The following KIFAP3 variants were observed in gnomAD, a reference collection of about 807,000 sequenced individuals.
KIFAP3 encodes the protein kinesin-associated protein 3.
A neutral mutation model predicts 106.5 loss-of-function variants in KIFAP3; 68 were observed. The observed-to-expected ratio is 0.64, with a 90% CI of 0.53 to 0.78. The LOEUF is 0.78. Ranked by LOEUF, KIFAP3 falls within the 30% of genes least tolerant of loss-of-function variation. KIFAP3 has a pLI of 0.00. For missense variants in KIFAP3, 780 were observed against 941.8 expected (o/e 0.83, Z 2.25); for synonymous variants, 320 against 311.5 (o/e 1.03, Z -0.29).
intron 15 of KIFAP3, among the ~76,000 whole-genome samples, chr1:169,979,595 A>G (rs1666401132): frequency 6.6e-6 from 1 of 152,164 alleles, no homozygotes; most frequent in Admixed American, 6.5e-5. Flanking sequence ...ATGAAATACC[A>G]GTATGATGGC....
intron 19 of KIFAP3, among the ~76,000 whole-genome samples, chr1:169,944,382 G>A (rs1279347336): frequency 6.6e-6 from 1 of 152,114 alleles, no homozygotes; most frequent in Non-Finnish European, 1.5e-5. Context: ...ACACAGAGGC[G>A]CCCAGAAACC....
chr1:170,002,202 A>G (rs1667699198), intron 10 of KIFAP3, among the ~76,000 whole-genome samples: 1 of 152,150 alleles, frequency 6.6e-6, no homozygotes, highest in Non-Finnish European at 1.5e-5. Context: ...ATGCTGATGA[A>G]ACTGTTCTAC....
chr1:170,074,799 G>C (rs1671864141), upstream of KIFAP3: 1 of 1,179,430 alleles, frequency 8.5e-7, no homozygotes, highest in African/African-American at 1.5e-5. Flanking sequence ...GAGCCGAGCA[G>C]GGAAGTTTTG....
chr1:169,980,918 A>T (rs1007907379), intron 15 of KIFAP3, among the ~76,000 whole-genome samples: 1 of 152,146 alleles, frequency 6.6e-6, no homozygotes, highest in Non-Finnish European at 1.5e-5. Context: ...CCTGACCAAC[A>T]TGGAGAAACC....
chr1:169,926,681 G>A (rs2208165), intron 19 of KIFAP3, among the ~76,000 whole-genome samples: 5,032 of 18,280 alleles, frequency 0.28, 210 homozygotes, highest in African/African-American at 0.4. Context: ...AGTTGTGTGT[G>A]TACACACACA....
At chr1:170,032,457 G>A (rs1435933938) in intron 7 of KIFAP3, among the ~76,000 whole-genome samples, 1 of 151,714 alleles carries the variant, frequency 6.6e-6, no homozygotes, top group Non-Finnish European at 1.5e-5. Context: ...AGCTTTTGTA[G>A]CAGCCTTTTC....
At chr1:169,947,436 C>A (rs1430957736) in intron 19 of KIFAP3, among the ~76,000 whole-genome samples, 1 of 151,834 alleles carries the variant, frequency 6.6e-6, no homozygotes, top group Non-Finnish European at 1.5e-5. Context: ...AATTGAGAAG[C>A]AACCCTTGCA....
intron 10 of KIFAP3, among the ~76,000 whole-genome samples, chr1:170,005,278 C>T (rs1201623498): frequency 1.3e-5 from 2 of 152,184 alleles, no homozygotes; most frequent in Non-Finnish European, 2.9e-5. Context: ...ACTAGTTCAA[C>T]CATTGTGGAA....
chr1:169,986,064 A>G (rs915425334), intron 11 of KIFAP3, among the ~76,000 whole-genome samples: 2 of 150,686 alleles, frequency 1.3e-5, no homozygotes, highest in Admixed American at 1.3e-4. Flanking sequence ...ATAAAAACTT[A>G]CTATGTTTTA....
intron 19 of KIFAP3, among the ~76,000 whole-genome samples, chr1:169,922,787 A>G (rs1397378162): frequency 6.6e-6 from 1 of 152,204 alleles, no homozygotes; most frequent in Non-Finnish European, 1.5e-5. Flanking sequence ...ACATATTTAA[A>G]TGATTTAAGA....
chr1:170,061,477 T>C (rs140208862), intron 1 of KIFAP3, among the ~76,000 whole-genome samples: 9,642 of 148,908 alleles, frequency 0.065, 386 homozygotes, highest in Non-Finnish European at 0.096. Flanking sequence ...CATCTCACAC[T>C]AGTTAGAATG....
intron 1 of KIFAP3, among the ~76,000 whole-genome samples, chr1:170,071,118 T>C (rs371741509): frequency 5.3e-5 from 8 of 152,324 alleles, no homozygotes; most frequent in African/African-American, 1.9e-4. Flanking sequence ...AAAACTGAAT[T>C]CTTATACATT....
At chr1:170,007,978 A>C (rs1337718361) in intron 10 of KIFAP3, among the ~76,000 whole-genome samples, 1 of 152,166 alleles carries the variant, frequency 6.6e-6, no homozygotes, top group Non-Finnish European at 1.5e-5. Context: ...ATCTACAACC[A>C]TCTGATCTTT....
At chr1:170,007,546 G>A (rs868115929) in intron 10 of KIFAP3, among the ~76,000 whole-genome samples, 1 of 152,102 alleles carries the variant, frequency 6.6e-6, no homozygotes. Flanking sequence ...AAGACATCTA[G>A]GTATACAACT....
chr1:170,062,545 C>T lies in KIFAP3; in HGVS notation c.33-7109G>A, dbSNP rs530125307. ...CTCTGGTCAAGGTCATCAATTTCTT[C>T]CATGTTCTAAATATTTAAAGTTTTT... On this transcript the variant is annotated intron_variant, in intron 1 of 19. Coordinates refer to ENST00000361580, the MANE Select transcript of KIFAP3 (RefSeq NM_014970.4). Among the ~76,000 whole-genome samples the T allele has an allele frequency of 3.3e-5, 5 of 152,260 alleles. No homozygotes were observed. The South Asian group carries it at 1.0e-3, about 32-fold the overall frequency.
intron 3 of KIFAP3, chr1:170,041,856 T>C: frequency 2.1e-6 from 3 of 1,400,052 alleles, no homozygotes; most frequent in Non-Finnish European, 1.9e-6. Context: ...AAAAGGGCCC[T>C]GTTTAAGGGG....
rs1185968146 is a variant in KIFAP3, at chr1:169,921,765, A to G, written c.2290T>C (p.Phe764Leu). 6.2e-7 allele frequency: 1 copy of G among 1,613,656 alleles called. No individual in the cohort carries two copies. Residue 764 changes from phenylalanine (F) to leucine (L), a missense_variant, in exon 20 of 20, where the codon TTT (phenylalanine) becomes CTT (leucine). Physicochemically the swap from Phe to Leu is conservative, Grantham distance 22. Coordinates refer to ENST00000361580, the MANE Select transcript of KIFAP3 (RefSeq NM_014970.4). The stretch of plus-strand genomic sequence containing the variant: ...CCAAGAATGCCAACTGGTTGGCCAA[A>G]GCCATCCATTCCAAGGCTAAAAAAG... ...SFPGSLGMDGFGQPVGILGRP... is the reference protein window; with the variant it reads ...SFPGSLGMDGLGQPVGILGRP...
chr1:170,055,209 T>C (rs909084850), intron 2 of KIFAP3, 96 bp downstream of exon 2: 6 of 1,059,964 alleles, frequency 5.7e-6, no homozygotes, highest in South Asian at 1.8e-5. Context: ...AAGAATGCCA[T>C]AATTAATCAC....
At chr1:170,058,445 A>G (rs1313536418) in intron 1 of KIFAP3, among the ~76,000 whole-genome samples, 1 of 152,106 alleles carries the variant, frequency 6.6e-6, no homozygotes, top group Non-Finnish European at 1.5e-5. Context: ...AAAATACCCA[A>G]TATATCAGTG....
Sources: allele counts gnomAD v4.1 joint callset (sites outside exome capture counted in the v4.1 genomes callset), GRCh38; gene constraint gnomAD v4.1.1; transcripts MANE v1.5; gene names NCBI Gene and HGNC (gene_info 2026-07-23, HGNC 2026-07-21).